B4GALT1: variants seen among roughly 807,000 people sequenced by gnomAD.
B4GALT1 encodes the protein N-acetyllactosamine synthase.
Under a neutral mutation model 34.9 loss-of-function variants are expected in B4GALT1, and 16 were observed. The ratio of observed to expected loss-of-function variants is 0.46; its 90% CI spans 0.31 to 0.70. The LOEUF (loss-of-function observed/expected upper bound fraction) is 0.70, where lower values mean the gene tolerates loss of function less well. B4GALT1 is among the 30% of genes least tolerant of loss of function. B4GALT1 has a pLI of 0.05. For missense variants in B4GALT1, 445 were observed against 530.5 expected (o/e 0.84, Z 1.58); for synonymous variants, 221 against 218.1 (o/e 1.01, Z -0.12).
intron 2 of B4GALT1, among the ~76,000 whole-genome samples, chr9:33,123,990 T>C (rs1415326439): frequency 6.6e-6 from 1 of 152,172 alleles, no homozygotes; most frequent in African/African-American, 2.4e-5. Context: ...CCTGGCCTCA[T>C]CTGTGGGATG....
chr9:33,156,120 A>AAT (rs1840590143), intron 1 of B4GALT1, among the ~76,000 whole-genome samples: 1 of 146,656 alleles, frequency 6.8e-6, no homozygotes, highest in Non-Finnish European at 1.5e-5. Flanking sequence ...GGATCTGTAA[A>AAT]CTTTTTTTTT....
At chr9:33,154,801 C>T (rs1462149291) in intron 1 of B4GALT1, among the ~76,000 whole-genome samples, 1 of 152,134 alleles carries the variant, frequency 6.6e-6, no homozygotes, top group Non-Finnish European at 1.5e-5. Context: ...TTGAATGCAG[C>T]TCAACACAAA....
At chr9:33,113,679 C>T (rs1839897733) in intron 5 of B4GALT1, 93 bp from the exon 6 acceptor site, 1 of 1,608,008 alleles carries the variant, frequency 6.2e-7, no homozygotes. Flanking sequence ...CCACTGTAAC[C>T]TGACCACCTC....
downstream of B4GALT1, among the ~76,000 whole-genome samples, chr9:33,110,408 T>C (rs1442158534): frequency 1.3e-5 from 2 of 152,250 alleles, no homozygotes; most frequent in Admixed American, 6.5e-5. Context: ...TAGTGAGTAC[T>C]TGTGAGGCAT....
rs34433922 is a variant in B4GALT1, at chr9:33,116,240, AT to A, written c.837-128del. 0.97 allele frequency: 957,987 copies of A among 991,690 alleles called. 463,312 individuals carry two copies. Among genetic ancestry groups the A allele is most frequent in the Non-Finnish European group, 0.98 (690,227 of 702,458 alleles). The allele number at this position is 991,690 out of a possible 1,614,324, so 61.4% of individuals were successfully genotyped here. On this transcript the variant is annotated intron_variant, in intron 3 of 5. Coordinates refer to ENST00000379731, the MANE Select transcript of B4GALT1 (RefSeq NM_001497.4). ...TTTTGCTTCTCTAGAGTTTTTATTT[AT>A]TTTTTTTTTGAGACGTAGTCTTGCT...
intron 2 of B4GALT1, among the ~76,000 whole-genome samples, chr9:33,131,670 G>A (rs1840195257): frequency 6.6e-6 from 1 of 152,190 alleles, no homozygotes; most frequent in Non-Finnish European, 1.5e-5. Flanking sequence ...GATAAGCTGA[G>A]AGGCTATAAA....
intron 2 of B4GALT1, among the ~76,000 whole-genome samples, chr9:33,125,888 A>G (rs184149855): frequency 1.2e-3 from 182 of 152,236 alleles, no homozygotes; most frequent in Non-Finnish European, 2.2e-3. Flanking sequence ...ATCAGCAGAC[A>G]CATCCCTTAT....
intron 1 of B4GALT1, among the ~76,000 whole-genome samples, chr9:33,149,502 T>C (rs1045924022): frequency 2.0e-5 from 3 of 152,098 alleles, no homozygotes; most frequent in Non-Finnish European, 4.4e-5. Context: ...CTAGGATGGT[T>C]TCAAACTTCT....
chr9:33,122,286 G>C (rs1178622558), intron 2 of B4GALT1, among the ~76,000 whole-genome samples: 2 of 152,136 alleles, frequency 1.3e-5, no homozygotes, highest in Non-Finnish European at 2.9e-5. Flanking sequence ...GGGAGGCCAA[G>C]GTGGGCAGAT....
chr9:33,135,321 G>A lies in B4GALT1; in HGVS notation c.516C>T (p.Cys172=), dbSNP rs754676158. 1.4e-5 allele frequency: 22 copies of A among 1,614,068 alleles called. No homozygotes were observed. The highest frequency in any genetic ancestry group is 4.0e-5 in the African/African-American group (3 of 74,928). ...KMGGRYAPRD[C]VSPHKVAIII... ...TGATGGCCACCTTGTGAGGAGAGAC[G>A]CAGTCCCTGGGGGCATAGCGGCCGC... is the stretch of plus-strand genomic sequence containing the variant. Residue 172 remains cysteine (C), a synonymous_variant, in exon 2 of 6, where the codon TGC becomes TGT. Coordinates refer to ENST00000379731, the MANE Select transcript of B4GALT1 (RefSeq NM_001497.4).
chr9:33,105,909 T>C (rs1839793388), downstream of B4GALT1, among the ~76,000 whole-genome samples: 1 of 126,558 alleles, frequency 7.9e-6, no homozygotes, highest in African/African-American at 2.7e-5. Flanking sequence ...TTTTGGCTAC[T>C]GTGAATAATA....
chr9:33,120,381 G>A (rs1267368031), intron 3 of B4GALT1, 38 bp downstream of exon 3: 1 of 1,607,368 alleles, frequency 6.2e-7, no homozygotes, highest in African/African-American at 1.3e-5. Context: ...ACATGAGAGA[G>A]ACATGTTTAC....
At chr9:33,136,419 G>A (rs7043474) in intron 1 of B4GALT1, among the ~76,000 whole-genome samples, 77,406 of 151,848 alleles carry the variant, frequency 0.51, 20,167 homozygotes, top group African/African-American at 0.62. Flanking sequence ...AAGAGCCAAG[G>A]CTTGAACCCA....
At chr9:33,147,246 T>C (rs930989512) in intron 1 of B4GALT1, among the ~76,000 whole-genome samples, 8 of 27,616 alleles carry the variant, frequency 2.9e-4, no homozygotes, top group Admixed American at 2.0e-3. Context: ...CAAGTCATTC[T>C]TTTTTTTTTT....
intron 1 of B4GALT1, among the ~76,000 whole-genome samples, chr9:33,159,290 C>T (rs1481691490): frequency 6.6e-6 from 1 of 152,214 alleles, no homozygotes; most frequent in Non-Finnish European, 1.5e-5. Context: ...TGGGGCCAAG[C>T]AATGATTGAA....
chr9:33,177,003 A>G, the B4GALT1 span, among the ~76,000 whole-genome samples: 1 of 152,146 alleles, frequency 6.6e-6, no homozygotes, highest in Non-Finnish European at 1.5e-5. Context: ...TAGAATTAAT[A>G]TTCCCTCTAG....
intron 1 of B4GALT1, among the ~76,000 whole-genome samples, chr9:33,138,649 C>T (rs536481194): frequency 6.6e-6 from 1 of 152,180 alleles, no homozygotes; most frequent in Non-Finnish European, 1.5e-5. Flanking sequence ...TCTCTTCTCA[C>T]TCTCCCTATA....
chr9:33,110,020 G>A (rs369258052), downstream of B4GALT1, among the ~76,000 whole-genome samples: 5 of 152,232 alleles, frequency 3.3e-5, no homozygotes, highest in South Asian at 6.2e-4. Flanking sequence ...ACAGGCCTGA[G>A]GTCACCAGGG....
chr9:33,180,514 C>T, the B4GALT1 span, among the ~76,000 whole-genome samples: 1 of 152,170 alleles, frequency 6.6e-6, no homozygotes, highest in African/African-American at 2.4e-5. Context: ...TAAATAAAGT[C>T]CATGTACCAA....
Sources: gnomAD v4.1 joint callset for allele counts (sites outside exome capture counted in the v4.1 genomes callset) on GRCh38, gnomAD v4.1.1 for gene constraint, MANE v1.5 for transcripts, NCBI Gene and HGNC (gene_info 2026-07-23, HGNC 2026-07-21) for gene names.